LPGAT1: variants seen among roughly 807,000 people sequenced by gnomAD.
The protein encoded by LPGAT1 is acyl-CoA:lysophosphatidylglycerol acyltransferase 1.
In LPGAT1, 11 loss-of-function variants were observed where a neutral mutation model predicts 47.5. That is an observed-to-expected ratio of 0.23 (90% CI 0.15 to 0.38). LPGAT1 has a LOEUF of 0.38. Ranked by LOEUF, LPGAT1 falls within the 10% of genes least tolerant of loss-of-function variation. The probability of loss-of-function intolerance (pLI) is 1.00; values close to 1 mark genes in which losing one functional copy is unlikely to be tolerated. For synonymous variants in LPGAT1, 138 were observed against 144.2 expected (o/e 0.96, Z 0.31); for missense variants, 293 against 439.0 (o/e 0.67, Z 2.97).
At chr1:211,810,330 C>T (rs75606211) in intron 2 of LPGAT1, among the ~76,000 whole-genome samples, 219 of 152,020 alleles carry the variant, frequency 1.4e-3, no homozygotes, top group African/African-American at 4.9e-3. Flanking sequence ...GAAAGTAGAA[C>T]GTGACGGAAG....
intron 2 of LPGAT1, among the ~76,000 whole-genome samples, chr1:211,800,198 T>TA (rs971923195): frequency 6.6e-6 from 1 of 151,570 alleles, no homozygotes; most frequent in Non-Finnish European, 1.5e-5. Context: ...AGCTAATTTT[T>TA]TTTTTTTTTT....
intron 2 of LPGAT1, among the ~76,000 whole-genome samples, chr1:211,801,797 A>T: frequency 6.7e-6 from 1 of 150,328 alleles, no homozygotes; most frequent in African/African-American, 2.4e-5. Context: ...AGAAAAGAAA[A>T]GAAATGGCAC....
chr1:211,765,574 T>C (rs1291173061), intron 6 of LPGAT1, among the ~76,000 whole-genome samples: 2 of 152,194 alleles, frequency 1.3e-5, no homozygotes, highest in Non-Finnish European at 2.9e-5. Context: ...GGCACTTTGC[T>C]AGACCTTAAG....
At chr1:211,818,451 G>C (rs1444308834) in intron 2 of LPGAT1, among the ~76,000 whole-genome samples, 1 of 152,140 alleles carries the variant, frequency 6.6e-6, no homozygotes, top group African/African-American at 2.4e-5. Context: ...TGGAAATGTG[G>C]AATTTGTTTT....
intron 6 of LPGAT1, among the ~76,000 whole-genome samples, chr1:211,756,418 C>A (rs1038293330): frequency 6.6e-6 from 1 of 152,204 alleles, no homozygotes. Flanking sequence ...GCAGCCTTGA[C>A]TTCCCAGGCT....
intron 2 of LPGAT1, among the ~76,000 whole-genome samples, chr1:211,809,287 A>G (rs771880171): frequency 6.6e-6 from 1 of 152,160 alleles, no homozygotes; most frequent in Non-Finnish European, 1.5e-5. Context: ...GTATGTCCCA[A>G]TAACAGCACT....
chr1:211,775,272 G>C (rs1414191143), intron 6 of LPGAT1, among the ~76,000 whole-genome samples: 1 of 152,198 alleles, frequency 6.6e-6, no homozygotes, highest in East Asian at 1.9e-4. Flanking sequence ...AGCCGAGATT[G>C]TGCCACTGCA....
intron 2 of LPGAT1, among the ~76,000 whole-genome samples, chr1:211,805,979 G>A (rs144250573): frequency 6.6e-6 from 1 of 152,294 alleles, no homozygotes; most frequent in African/African-American, 2.4e-5. Flanking sequence ...CAAATATCAG[G>A]CCGGGCGCAG....
At chr1:211,785,159 GA>G (rs1192965776) in intron 4 of LPGAT1, among the ~76,000 whole-genome samples, 14 of 152,106 alleles carry the variant, frequency 9.2e-5, no homozygotes, top group Non-Finnish European at 2.1e-4. Context: ...CAAAATTACA[GA>G]AACTCCTCAA....
intron 2 of LPGAT1, among the ~76,000 whole-genome samples, chr1:211,820,024 A>T (rs1003694340): frequency 2.0e-5 from 3 of 152,032 alleles, no homozygotes; most frequent in African/African-American, 7.2e-5. Flanking sequence ...TTACATTGGC[A>T]TGCTGGAGCC....
intron 2 of LPGAT1, among the ~76,000 whole-genome samples, chr1:211,805,793 A>T (rs4951552): frequency 5.3e-5 from 8 of 152,010 alleles, no homozygotes; most frequent in Non-Finnish European, 8.8e-5. Flanking sequence ...CAAGTTTATA[A>T]GGCCAGTATT....
intron 2 of LPGAT1, among the ~76,000 whole-genome samples, chr1:211,827,562 T>C (rs530851436): frequency 6.6e-5 from 10 of 152,222 alleles, no homozygotes; most frequent in Admixed American, 3.9e-4. Flanking sequence ...ATAAGCTAAT[T>C]TAAAACAAGC....
rs550173217 is a variant in LPGAT1, at chr1:211,792,826, C to T, written c.357+246G>A. On this transcript the variant is annotated intron_variant, in intron 3 of 7. Coordinates refer to ENST00000366997, the MANE Select transcript of LPGAT1 (RefSeq NM_014873.3). The stretch of plus-strand genomic sequence containing the variant: ...TCCCGGGTTCAAGCAATTCTCTTGC[C>T]TCAGCCTCCCGAGTAACTGGGACTA... 2.8e-3 allele frequency among the ~76,000 whole-genome samples: 415 copies of T among 149,616 alleles called. 2 individuals carry two copies. The highest frequency in any genetic ancestry group is 0.018 in the Middle Eastern group (5 of 280).
At chr1:211,810,793 G>T (rs56285049) in intron 2 of LPGAT1, among the ~76,000 whole-genome samples, 2 of 152,160 alleles carry the variant, frequency 1.3e-5, no homozygotes, top group Non-Finnish European at 2.9e-5. Context: ...GAACATGCCC[G>T]GGTAGTAACC....
chr1:211,803,002 A>G (rs1238368303), intron 2 of LPGAT1: 1 of 152,210 alleles, frequency 6.6e-6, no homozygotes, highest in Non-Finnish European at 1.5e-5. Flanking sequence ...TAATGACTTC[A>G]AAATTGTGAA....
At chr1:211,788,527 C>T (rs1658979781) in intron 3 of LPGAT1, among the ~76,000 whole-genome samples, 1 of 151,788 alleles carries the variant, frequency 6.6e-6, no homozygotes, top group African/African-American at 2.4e-5. Context: ...TACTAAAATA[C>T]AAAAATTAGC....
intron 2 of LPGAT1, among the ~76,000 whole-genome samples, chr1:211,807,514 A>G (rs1571753600): frequency 6.6e-6 from 1 of 152,202 alleles, no homozygotes; most frequent in East Asian, 1.9e-4. Flanking sequence ...ACTTACCATA[A>G]AACTACAATA....
At chr1:211,786,898 T>G (rs115402540) in intron 4 of LPGAT1, among the ~76,000 whole-genome samples, 5 of 152,148 alleles carry the variant, frequency 3.3e-5, no homozygotes, top group African/African-American at 1.2e-4. Flanking sequence ...ATGAAGGTAG[T>G]AGGCACTGTT....
At chr1:211,777,739 T>A (rs1177090823) in intron 6 of LPGAT1, among the ~76,000 whole-genome samples, 1 of 152,196 alleles carries the variant, frequency 6.6e-6, no homozygotes, top group Non-Finnish European at 1.5e-5. Flanking sequence ...CTATCACAGG[T>A]GTGTGAACCA....
Sources: allele counts gnomAD v4.1 joint callset (sites outside exome capture counted in the v4.1 genomes callset), GRCh38; gene constraint gnomAD v4.1.1; transcripts MANE v1.5; gene names NCBI Gene and HGNC (gene_info 2026-07-23, HGNC 2026-07-21).